The following PTPRB variants were observed in gnomAD, a reference collection of about 807,000 sequenced individuals.
The protein encoded by PTPRB is receptor-type tyrosine-protein phosphatase beta.
A neutral mutation model predicts 238.1 loss-of-function variants in PTPRB; 97 were observed. The observed-to-expected ratio is 0.41, with a 90% confidence interval of 0.35 to 0.48. PTPRB has a LOEUF of 0.48. Among genes scored for constraint, PTPRB ranks in the 20% least tolerant of loss-of-function variants. The pLI, the probability that PTPRB is intolerant of heterozygous loss-of-function variation, is 0.30. For missense variants in PTPRB, 2,292 were observed against 2,681.9 expected (o/e 0.85, Z 3.21); for synonymous variants, 970 against 995.4 (o/e 0.97, Z 0.48).
At chr12:70,592,227 G>A in intron 7 of PTPRB, 55 bp downstream of exon 7, 1 of 1,610,612 alleles carries the variant, frequency 6.2e-7, no homozygotes, top group Non-Finnish European at 8.5e-7. Flanking sequence ...CTATTTTAAG[G>A]TGGATCAGAG....
chr12:70,583,850 G>A (rs966229015), intron 9 of PTPRB, among the ~76,000 whole-genome samples: 4 of 151,960 alleles, frequency 2.6e-5, no homozygotes. Flanking sequence ...AATTTCCACA[G>A]AATAAAATTC....
At chr12:70,617,609 C>CAT (rs1884738321) in intron 3 of PTPRB, among the ~76,000 whole-genome samples, 2 of 152,188 alleles carry the variant, frequency 1.3e-5, no homozygotes, top group African/African-American at 4.8e-5. Flanking sequence ...GTCTCCCCTG[C>CAT]ATACTTTAAG....
intron 23 of PTPRB, 134 bp from the exon 24 acceptor site, chr12:70,540,156 A>G (rs1874834273): frequency 1.5e-6 from 1 of 686,724 alleles, no homozygotes; most frequent in South Asian, 2.1e-5. Flanking sequence ...GCACTCAGCC[A>G]ACATCTCTGA....
intron 4 of PTPRB, among the ~76,000 whole-genome samples, chr12:70,602,152 G>A (rs1408795262): frequency 6.6e-6 from 1 of 152,016 alleles, no homozygotes; most frequent in Non-Finnish European, 1.5e-5. Flanking sequence ...CAGTTTTCTG[G>A]CTTACTTTAA....
intron 21 of PTPRB, among the ~76,000 whole-genome samples, chr12:70,548,398 G>T (rs1876400496): frequency 6.7e-6 from 1 of 150,042 alleles, no homozygotes. Context: ...CATGACTTTT[G>T]TAGGAAGGAT....
chr12:70,563,603 A>G (rs1413227497), intron 15 of PTPRB, among the ~76,000 whole-genome samples: 1 of 152,144 alleles, frequency 6.6e-6, no homozygotes, highest in African/African-American at 2.4e-5. Flanking sequence ...TATGGATTTA[A>G]CTAGCATTCT....
chr12:70,542,430 T>C (rs1014662149), intron 22 of PTPRB: 1 of 151,852 alleles, frequency 6.6e-6, no homozygotes, highest in Non-Finnish European at 1.5e-5. Context: ...ATACAAAAAT[T>C]AGCCGGGTGT....
intron 32 of PTPRB, among the ~76,000 whole-genome samples, chr12:70,526,391 C>T (rs1044185186): frequency 3.3e-5 from 5 of 152,108 alleles, no homozygotes; most frequent in Middle Eastern, 3.4e-3. Context: ...ATTTTTTTAG[C>T]GACAGGATCT....
chr12:70,623,346 T>TA (rs1885031680), intron 2 of PTPRB, among the ~76,000 whole-genome samples: 2 of 152,034 alleles, frequency 1.3e-5, no homozygotes, highest in African/African-American at 2.4e-5. Flanking sequence ...TTGCCCATAT[T>TA]AAAAAAAACA....
In PTPRB at chr12:70,559,477, T is replaced by C; in HGVS notation, c.4580A>G (p.Tyr1527Cys). ...PRDALTVFNP[Y>C]NNRKSEGRIV... is the part of the protein sequence containing the mutation. ...GCGTCCTTCTGATTTTCTGTTGTTG[T>C]AGGGGTTGAAGACAGTAAGTGCATC... is the stretch of plus-strand genomic sequence containing the variant. Residue 1527 changes from tyrosine (Y) to cysteine (C), a missense_variant, in exon 18 of 34, where the codon TAC (tyrosine) becomes TGC (cysteine). By Grantham distance (194) the Tyr-to-Cys change is radical. This residue lies in a region of PTPRB where 683 missense variants were observed against 862.0 expected (regional missense o/e 0.79). Coordinates refer to ENST00000334414, the MANE Select transcript of PTPRB (RefSeq NM_001109754.4). The C allele has an allele frequency of 6.2e-7, 1 of 1,613,982 alleles. No homozygotes were observed. Among genetic ancestry groups the C allele is most frequent in the Non-Finnish European group, 8.5e-7 (1 of 1,179,866 alleles).
chr12:70,534,767 A>T (rs749048594), intron 30 of PTPRB, 66 bp downstream of exon 30: 11 of 1,602,682 alleles, frequency 6.9e-6, no homozygotes, highest in Non-Finnish European at 7.7e-6. Context: ...GAACCAGCGA[A>T]AGTGGGGTTC....
chr12:70,546,842 G>T (rs1372374403), intron 21 of PTPRB, among the ~76,000 whole-genome samples: 2 of 152,050 alleles, frequency 1.3e-5, no homozygotes, highest in Non-Finnish European at 2.9e-5. Flanking sequence ...AGGGAAGCTG[G>T]AGGAGGGCAT....
At chr12:70,534,357 G>A (rs1267388833) in intron 31 of PTPRB, 131 bp downstream of exon 31, 30 of 980,302 alleles carry the variant, frequency 3.1e-5, no homozygotes, top group Non-Finnish European at 4.5e-6. Flanking sequence ...AACCCTCTGG[G>A]GGCGAGGCAG....
chr12:70,523,819 CT>C (rs1018308117), intron 33 of PTPRB, among the ~76,000 whole-genome samples: 2 of 151,754 alleles, frequency 1.3e-5, no homozygotes, highest in Non-Finnish European at 2.9e-5. Context: ...CTCTTCTTTT[CT>C]TTTCTTTTTT....
At chr12:70,572,192 T>C (rs998321469) in intron 11 of PTPRB, 105 bp from the exon 12 acceptor site, 4 of 1,223,668 alleles carry the variant, frequency 3.3e-6, no homozygotes, top group Middle Eastern at 2.5e-4. Context: ...ATTATTATTG[T>C]GTGCATTTAA....
chr12:70,565,577 A>C (rs1879183354), intron 15 of PTPRB, among the ~76,000 whole-genome samples: 1 of 152,176 alleles, frequency 6.6e-6, no homozygotes, highest in South Asian at 2.1e-4. Context: ...CTTTATCACA[A>C]TGCATTGCCA....
chr12:70,606,958 T>C (rs755055264), intron 4 of PTPRB, among the ~76,000 whole-genome samples: 2 of 152,238 alleles, frequency 1.3e-5, no homozygotes, highest in African/African-American at 4.8e-5. Flanking sequence ...GCTCATAATA[T>C]TTGTAGACAA....
intron 2 of PTPRB, among the ~76,000 whole-genome samples, chr12:70,627,561 G>C (rs955042266): frequency 3.3e-5 from 5 of 151,802 alleles, no homozygotes; most frequent in Non-Finnish European, 7.4e-5. Context: ...GGACCATAGA[G>C]GCAAAAGAAC....
At chr12:70,544,778 A>G (rs1480810186) in intron 21 of PTPRB, 115 bp from the exon 22 acceptor site, 2 of 600,124 alleles carry the variant, frequency 3.3e-6, no homozygotes, top group South Asian at 2.2e-5. Context: ...AGGGTAGAAT[A>G]TGAGTTATGG....
Sources: allele counts gnomAD v4.1 joint callset (sites outside exome capture counted in the v4.1 genomes callset), GRCh38; gene constraint gnomAD v4.1.1; regional missense constraint gnomAD v4.1.1; transcripts MANE v1.5; gene names NCBI Gene and HGNC (gene_info 2026-07-23, HGNC 2026-07-21).